Variants in PIN1 observed in about 807,000 individuals in gnomAD.
PIN1 encodes the protein peptidylprolyl cis/trans isomerase, NIMA-interacting 1.
In PIN1, 8 loss-of-function variants were observed where a neutral mutation model predicts 19.9. The ratio of observed to expected loss-of-function variants is 0.40; its 90% CI spans 0.24 to 0.72. The LOEUF (loss-of-function observed/expected upper bound fraction) is 0.72, where lower values mean the gene tolerates loss of function less well. Ranked by LOEUF, PIN1 falls within the 30% of genes least tolerant of loss-of-function variation. The probability of loss-of-function intolerance (pLI) is 0.37; values close to 1 mark genes in which losing one functional copy is unlikely to be tolerated. For missense variants in PIN1, 185 were observed against 226.5 expected (o/e 0.82, Z 1.18); for synonymous variants, 86 against 90.8 (o/e 0.95, Z 0.30).
At chr19:9,842,405 T>C (rs538877272) in intron 2 of PIN1, among the ~76,000 whole-genome samples, 8 of 152,280 alleles carry the variant, frequency 5.3e-5, no homozygotes, top group African/African-American at 1.7e-4. Flanking sequence ...AGAGGGTGGC[T>C]ATGAGGATCC....
chr19:9,843,365 T>C (rs1325859505), intron 2 of PIN1, among the ~76,000 whole-genome samples: 1 of 152,242 alleles, frequency 6.6e-6, no homozygotes, highest in Non-Finnish European at 1.5e-5. Context: ...ACCAGGCCCC[T>C]TCCCCTCTGG....
intron 1 of PIN1, chr19:9,835,762 C>T: frequency 3.4e-6 from 1 of 298,230 alleles, no homozygotes; most frequent in Non-Finnish European, 6.2e-6. Context: ...GGAGACACCC[C>T]AGTACCCTGC....
intron 2 of PIN1, among the ~76,000 whole-genome samples, chr19:9,845,956 C>T (rs1182303054): frequency 6.6e-6 from 1 of 151,980 alleles, no homozygotes; most frequent in Non-Finnish European, 1.5e-5. Flanking sequence ...CTGGGGGCAC[C>T]GTGCGATCCC....
chr19:9,838,269 C>A lies in PIN1; in HGVS notation c.59-167C>A. 1.4e-6 allele frequency: 1 copy of A among 692,838 alleles called. No individual in the cohort carries two copies. The highest frequency in any genetic ancestry group is 1.6e-5 in the South Asian group (1 of 63,894). The allele number at this position is 692,838 out of a possible 1,614,324, so 42.9% of individuals were successfully genotyped here. On this transcript the variant is annotated intron_variant, in intron 1 of 3. Transcript: ENST00000247970. This position sits in a 1 kb window ranked among gnomAD's most constrained non-coding sequence, Gnocchi z 5.8. ...TAAGGGCAGGGACTGTATCCTGCCA[C>A]ATTGGCCCACGTCTGGAGAGCCTGT...
intron 2 of PIN1, among the ~76,000 whole-genome samples, chr19:9,841,580 A>G (rs751753602): frequency 6.6e-6 from 1 of 152,200 alleles, no homozygotes. Context: ...TCCTGGAGGC[A>G]GCAGGACATA....
At chr19:9,836,352 C>T (rs1195935664) in intron 1 of PIN1, 1 of 160,006 alleles carries the variant, frequency 6.2e-6, no homozygotes, top group Admixed American at 6.0e-5. Flanking sequence ...CCCCATTTTT[C>T]AGATGAGAAA....
rs1379799230 is a variant in PIN1, at chr19:9,849,384, C to T, written c.*185C>T. 2 of 716,378 alleles carry T rather than the reference C, an allele frequency of 2.8e-6. No homozygotes were observed. 44.4% of individuals were successfully genotyped at this position (716,378 alleles called of 1,614,324 possible). On this transcript the variant is annotated 3_prime_UTR_variant, in exon 4 of 4. Coordinates refer to ENST00000247970, the MANE Select transcript of PIN1 (RefSeq NM_006221.4). The stretch of plus-strand genomic sequence containing the variant: ...GGGCCCTGGGGTCCCCACTCCCTGT[C>T]CATCCCCAGTTGGGGCTGCGACCGC...
intron 2 of PIN1, among the ~76,000 whole-genome samples, chr19:9,841,420 A>T (rs945686297): frequency 6.6e-6 from 1 of 152,230 alleles, no homozygotes; most frequent in Non-Finnish European, 1.5e-5. Context: ...TTCCTGGCAC[A>T]GGACGGGGCA....
chr19:9,835,553 C>T (rs2046093946), intron 1 of PIN1, 151 bp downstream of exon 1: 2 of 603,672 alleles, frequency 3.3e-6, no homozygotes, highest in Non-Finnish European at 5.2e-6. Context: ...CCGGCCCGCC[C>T]TGTTGTGGGG....
At chr19:9,839,810 G>A (rs1445309008) in intron 2 of PIN1, among the ~76,000 whole-genome samples, 1 of 152,106 alleles carries the variant, frequency 6.6e-6, no homozygotes, top group Non-Finnish European at 1.5e-5. Context: ...AGACCAGCTT[G>A]GGCAACATAG....
rs374933894 is a variant in PIN1, at chr19:9,848,072, C to T, written c.314C>T (p.Ser105Phe). 3.1e-6 allele frequency: 5 copies of T among 1,613,364 alleles called. No individual in the cohort carries two copies. The highest frequency in any genetic ancestry group is 3.4e-6 in the Non-Finnish European group (4 of 1,179,518). Residue 105 changes from serine to phenylalanine, a missense_variant, in exon 3 of 4, where the codon TCT becomes TTT. Physicochemically the swap from Ser to Phe is radical, Grantham distance 155 (BLOSUM62 -2). Transcript: ENST00000247970. ...KIKSGEEDFE[S>F]LASQFSDCSS... is the part of the protein sequence containing the mutation. ...AAGTCGGGAGAGGAGGACTTTGAGT[C>T]TCTGGCCTCACAGTTCAGCGACTGC... is the stretch of plus-strand genomic sequence containing the variant.
intron 1 of PIN1, chr19:9,836,184 G>A (rs2046102567): frequency 6.6e-6 from 1 of 152,320 alleles, no homozygotes; most frequent in African/African-American, 2.4e-5. Context: ...CCCAGCATCT[G>A]TGGGCAGGTC....
At chr19:9,848,199 GC>G in intron 3 of PIN1, 59 bp downstream of exon 3, 1 of 1,056,692 alleles carries the variant, frequency 9.5e-7, no homozygotes, top group Non-Finnish European at 1.5e-6. Context: ...AGGGGTAGAG[GC>G]CAGGAGGGTC....
intron 2 of PIN1, among the ~76,000 whole-genome samples, chr19:9,845,795 GCTGTCCAAT>G (rs1448751796): frequency 2.0e-5 from 3 of 152,184 alleles, no homozygotes; most frequent in African/African-American, 7.2e-5. Flanking sequence ...ACTTGGGCGG[GCTGTCCAAT>G]TTCAGGGATC....
intron 2 of PIN1, among the ~76,000 whole-genome samples, chr19:9,840,257 C>T (rs949831670): frequency 2.0e-5 from 3 of 152,074 alleles, no homozygotes; most frequent in African/African-American, 7.2e-5. Flanking sequence ...GGCATGGTGG[C>T]GGGCACCTGT....
Position 9,838,419 on chromosome 19 carries a change from C to T in PIN1, c.59-17C>T. The T allele has an allele frequency of 6.3e-7, 1 of 1,582,080 alleles. No homozygotes were observed. The highest frequency in any genetic ancestry group is 8.6e-7 in the Non-Finnish European group (1 of 1,164,418). On this transcript the variant is annotated splice_polypyrimidine_tract_variant and intron_variant, in intron 1 of 3. Transcript: ENST00000247970. This position sits in a 1 kb window ranked among gnomAD's most constrained non-coding sequence, Gnocchi z 5.8. ...GAGCACAACCCTAGCTGAATTCCTGCCTGCCCTCCCCTCCAGGCCGAGTGT... is the reference window on the plus strand; with the variant it reads ...GAGCACAACCCTAGCTGAATTCCTGTCTGCCCTCCCCTCCAGGCCGAGTGT...
At chr19:9,835,451 C>A in intron 1 of PIN1, 49 bp downstream of exon 1, 1 of 1,322,304 alleles carries the variant, frequency 7.6e-7, no homozygotes, top group Non-Finnish European at 9.9e-7. Context: ...CCCGCGTAAG[C>A]AGGGCTCGAG....
chr19:9,843,816 G>C (rs2046192729), intron 2 of PIN1, among the ~76,000 whole-genome samples: 1 of 152,134 alleles, frequency 6.6e-6, no homozygotes, highest in Non-Finnish European at 1.5e-5. Flanking sequence ...GGGAGACTGA[G>C]GTGGGTGGAT....
intron 3 of PIN1, 54 bp from the exon 4 acceptor site, chr19:9,849,036 C>A: frequency 8.3e-7 from 1 of 1,203,474 alleles, no homozygotes; most frequent in Non-Finnish European, 1.2e-6. Context: ...CCTGCCTCAT[C>A]CTGGCCTCTG....
Sources: gnomAD v4.1 joint callset for allele counts (sites outside exome capture counted in the v4.1 genomes callset) on GRCh38, gnomAD v4.1.1 for gene constraint, Gnocchi (gnomAD v3.1) non-coding constraint, MANE v1.5 for transcripts, NCBI Gene and HGNC (gene_info 2026-07-23, HGNC 2026-07-21) for gene names.